PCP4: variants seen among roughly 807,000 people sequenced by gnomAD.
PCP4 encodes Purkinje cell protein 4, also known as calmodulin regulator protein PCP4.
In PCP4, 8 loss-of-function variants were observed where a neutral mutation model predicts 10.0. The observed-to-expected ratio is 0.80, with a 90% confidence interval of 0.47 to 1.45. PCP4 has a LOEUF of 1.45. Ranked by LOEUF, PCP4 falls within the 40% of genes most tolerant of loss-of-function variation. The pLI, the probability that PCP4 is intolerant of heterozygous loss-of-function variation, is 0.00. For synonymous variants in PCP4, 21 were observed against 23.0 expected, an observed-to-expected ratio of 0.91 and a Z score of 0.24; for missense variants, 54 against 74.4, an observed-to-expected ratio of 0.73 and a Z score of 1.01.
chr21:39,883,553 G>A (rs558132203), intron 1 of PCP4: 1 of 152,214 alleles, frequency 6.6e-6, no homozygotes, highest in Non-Finnish European at 1.5e-5. Flanking sequence ...TCGTAACACA[G>A]GTAGAGCCTA....
chr21:39,927,326 T>TC (rs1568863786), intron 2 of PCP4, among the ~76,000 whole-genome samples: 4 of 83,422 alleles, frequency 4.8e-5, no homozygotes, highest in Non-Finnish European at 9.8e-5. Flanking sequence ...ATCTATCATC[T>TC]ATCTATCTAT....
At position 39,877,714 on chromosome 21, in the gene PCP4, A is replaced by AAAAAC. The variant is rs138584451; in HGVS notation, c.9+10217_9+10221dup. On this transcript the variant is annotated intron_variant, in intron 1 of 2. Coordinates refer to ENST00000328619, the MANE Select transcript of PCP4 (RefSeq NM_006198.3). ...CCTGCCTCAAAACAAAAACAAATAC[A>AAAAAC]AAAACAAAACAAAACAATCAAAGAA... 2.8e-3 allele frequency among the ~76,000 whole-genome samples: 429 copies of AAAAAC among 152,126 alleles called. 4 individuals carry two copies. The highest frequency in any genetic ancestry group is 9.3e-3 in the African/African-American group (386 of 41,504).
chr21:39,874,865 C>T (rs1255814378), intron 1 of PCP4, among the ~76,000 whole-genome samples: 1 of 152,076 alleles, frequency 6.6e-6, no homozygotes, highest in African/African-American at 2.4e-5. Flanking sequence ...TATGCTTTTT[C>T]CATCCGATAA....
chr21:39,917,201 C>T (rs2087572308), intron 2 of PCP4, among the ~76,000 whole-genome samples: 2 of 152,204 alleles, frequency 1.3e-5, no homozygotes, highest in South Asian at 4.1e-4. Context: ...ATCTTTCTAG[C>T]AGATGCTTGA....
chr21:39,914,568 T>C (rs2087558708), intron 2 of PCP4, among the ~76,000 whole-genome samples: 1 of 90,778 alleles, frequency 1.1e-5, no homozygotes, highest in Admixed American at 1.3e-4. Context: ...GTGACAGAGC[T>C]GTCTCAAAAA....
chr21:39,910,672 C>T (rs3819593), intron 2 of PCP4, among the ~76,000 whole-genome samples: 25,435 of 152,150 alleles, frequency 0.17, 2,303 homozygotes, highest in East Asian at 0.35. Context: ...GTTTAGCATC[C>T]GATTTTGGCT....
At chr21:39,869,353 TG>T (rs1235766399) in intron 1 of PCP4, among the ~76,000 whole-genome samples, 1 of 152,228 alleles carries the variant, frequency 6.6e-6, no homozygotes, top group Non-Finnish European at 1.5e-5. Flanking sequence ...GGTCACAGCC[TG>T]GTTCCTGCTG....
intron 2 of PCP4, among the ~76,000 whole-genome samples, chr21:39,925,861 G>A (rs1361674565): frequency 1.3e-5 from 2 of 152,110 alleles, no homozygotes; most frequent in Non-Finnish European, 2.9e-5. Flanking sequence ...AGGCTCCAAG[G>A]CCCTGAAGAG....
chr21:39,868,825 G>A (rs1007987861), intron 1 of PCP4, among the ~76,000 whole-genome samples: 4 of 152,150 alleles, frequency 2.6e-5, no homozygotes, highest in African/African-American at 7.2e-5. Context: ...GTTGACTGCC[G>A]GGTGAATCTT....
intron 2 of PCP4, among the ~76,000 whole-genome samples, chr21:39,903,876 CA>C (rs67572508): frequency 0.022 from 2,056 of 95,542 alleles, 18 homozygotes; most frequent in African/African-American, 0.052. Flanking sequence ...TCAAAAAAAA[CA>C]AAAAAAAAAA....
At position 39,922,784 on chromosome 21, in the gene PCP4, C is replaced by T. The variant is rs891670568; in HGVS notation, c.62-6200C>T. Among the ~76,000 whole-genome samples the T allele has an allele frequency of 4.6e-5, 7 of 152,204 alleles. No homozygotes were observed. The East Asian group carries it at 7.7e-4, about 17-fold the overall frequency. On this transcript the variant is annotated intron_variant, in intron 2 of 2. Coordinates refer to ENST00000328619, the MANE Select transcript of PCP4 (RefSeq NM_006198.3). ...GGTAGCTAGATAATGTAGCAGTTCA[C>T]GTAGCTGCCCAGCCTGATAGATTTT...
intron 2 of PCP4, among the ~76,000 whole-genome samples, chr21:39,901,913 G>A (rs887323648): frequency 1.3e-5 from 2 of 152,142 alleles, no homozygotes; most frequent in African/African-American, 4.8e-5. Flanking sequence ...CAAGAAAGAT[G>A]AGGGTAAAAA....
intron 2 of PCP4, among the ~76,000 whole-genome samples, chr21:39,927,197 A>G (rs116990472): frequency 0.012 from 1,835 of 151,848 alleles, 17 homozygotes; most frequent in Non-Finnish European, 0.017. Flanking sequence ...TGCATCTGAA[A>G]TAAGTGCTGA....
intron 1 of PCP4, among the ~76,000 whole-genome samples, chr21:39,871,136 A>G (rs935323830): frequency 2.6e-5 from 4 of 152,240 alleles, no homozygotes; most frequent in Non-Finnish European, 5.9e-5. Context: ...GGGAGGCTAC[A>G]TGCAGTTAAC....
intron 2 of PCP4, among the ~76,000 whole-genome samples, chr21:39,927,306 CTATCTATCT>C (rs1487765419): frequency 8.4e-6 from 1 of 118,854 alleles, no homozygotes; most frequent in African/African-American, 2.9e-5. Flanking sequence ...ATCTATCTAT[CTATCTATCT>C]ATCTATCATC....
intron 1 of PCP4, among the ~76,000 whole-genome samples, chr21:39,868,348 G>GA (rs2087303949): frequency 6.6e-6 from 1 of 152,032 alleles, no homozygotes. Flanking sequence ...GTCTCTTTTT[G>GA]ACAGATGGAT....
At chr21:39,885,602 G>A (rs545844352) in intron 1 of PCP4, among the ~76,000 whole-genome samples, 1 of 152,216 alleles carries the variant, frequency 6.6e-6, no homozygotes, top group Non-Finnish European at 1.5e-5. Flanking sequence ...TTCAGCCCAT[G>A]CCCGTGGAGT....
intron 1 of PCP4, among the ~76,000 whole-genome samples, chr21:39,879,799 A>G (rs16998790): frequency 0.035 from 5,312 of 152,280 alleles, 310 homozygotes; most frequent in African/African-American, 0.12. Flanking sequence ...ACATCCATAA[A>G]AGCCTGTGAC....
At chr21:39,888,316 C>T (rs1568852814) in intron 1 of PCP4, among the ~76,000 whole-genome samples, 1 of 152,160 alleles carries the variant, frequency 6.6e-6, no homozygotes, top group Admixed American at 6.5e-5. Context: ...GAACGGGGGG[C>T]AAAATTTTAA....
Sources: allele counts gnomAD v4.1 joint callset (sites outside exome capture counted in the v4.1 genomes callset), GRCh38; gene constraint gnomAD v4.1.1; transcripts MANE v1.5; gene names NCBI Gene and HGNC (gene_info 2026-07-23, HGNC 2026-07-21).